The following CNTNAP2 variants were observed in gnomAD, a reference collection of about 807,000 sequenced individuals.
The protein encoded by CNTNAP2 is contactin associated protein 2.
In CNTNAP2, 98 loss-of-function variants were observed where a neutral mutation model predicts 155.2. The observed-to-expected ratio is 0.63, with a 90% CI of 0.54 to 0.75. CNTNAP2 has a LOEUF of 0.75. Ranked by LOEUF, CNTNAP2 falls within the 30% of genes least tolerant of loss-of-function variation. The pLI is 0.00. For missense variants in CNTNAP2, 1,727 were observed against 1,688.1 expected, an observed-to-expected ratio of 1.02 and a Z score of -0.40; for synonymous variants, 651 against 631.2, an observed-to-expected ratio of 1.03 and a Z score of -0.47.
intron 9 of CNTNAP2, among the ~76,000 whole-genome samples, chr7:147,377,239 A>AT (rs946258434): frequency 8.7e-5 from 13 of 149,020 alleles, no homozygotes; most frequent in South Asian, 2.1e-4. Flanking sequence ...GATTATCCTT[A>AT]TTTTTTTTCA....
chr7:148,157,269 C>T (rs1183754538), intron 17 of CNTNAP2, among the ~76,000 whole-genome samples: 1 of 152,054 alleles, frequency 6.6e-6, no homozygotes, highest in African/African-American at 2.4e-5. Context: ...TGTGTCCTCC[C>T]CCTAGAACGT....
chr7:147,938,796 A>G (rs1800663247), intron 14 of CNTNAP2, among the ~76,000 whole-genome samples: 1 of 152,064 alleles, frequency 6.6e-6, no homozygotes, highest in Non-Finnish European at 1.5e-5. Context: ...ACCTGAGGCT[A>G]TTGTATTTTT....
intron 9 of CNTNAP2, among the ~76,000 whole-genome samples, chr7:147,342,678 G>A (rs1795785153): frequency 6.6e-6 from 1 of 152,058 alleles, no homozygotes; most frequent in East Asian, 1.9e-4. Flanking sequence ...TAACCCAGGT[G>A]GCATAATAAA....
intron 2 of CNTNAP2, among the ~76,000 whole-genome samples, chr7:146,793,664 G>C (rs1019804301): frequency 2.0e-5 from 3 of 152,240 alleles, no homozygotes; most frequent in African/African-American, 7.2e-5. Flanking sequence ...GCAAAACCCA[G>C]GGTTTGGGGG....
rs976066274 is a variant in CNTNAP2 at position 146,665,073 on chromosome 7, C to T, written c.98-109198C>T. Among the ~76,000 whole-genome samples the T allele has an allele frequency of 3.9e-5, 6 of 152,154 alleles. No homozygotes were observed. The South Asian group carries it at 8.3e-4, about 21-fold the overall frequency. On this transcript the variant is annotated intron_variant, in intron 1 of 23. Transcript: ENST00000361727. ...AAGCGCTTCTCGTGCCTTAGCCTTC[C>T]GAGTAGCTGGGATTACAGGCACCCA...
intron 17 of CNTNAP2, among the ~76,000 whole-genome samples, chr7:148,162,453 GT>G (rs1471685089): frequency 6.6e-6 from 1 of 152,196 alleles, no homozygotes; most frequent in Non-Finnish European, 1.5e-5. Context: ...TCTGAAATCA[GT>G]GCTGTCAGAC....
chr7:147,627,706 AAAAAAAAAG>A (rs1795010254), intron 12 of CNTNAP2, among the ~76,000 whole-genome samples: 5 of 150,720 alleles, frequency 3.3e-5, no homozygotes, highest in African/African-American at 1.2e-4. Flanking sequence ...AAAAAAAAAA[AAAAAAAAAG>A]ATATTAAAAC....
chr7:147,310,534 G>A (rs1389138216), intron 9 of CNTNAP2, among the ~76,000 whole-genome samples: 3 of 152,104 alleles, frequency 2.0e-5, no homozygotes, highest in South Asian at 4.1e-4. Context: ...ATGCTCTTAA[G>A]TAGAGAAACT....
intron 1 of CNTNAP2, among the ~76,000 whole-genome samples, chr7:146,128,908 G>A (rs989770983): frequency 2.6e-5 from 4 of 151,950 alleles, no homozygotes; most frequent in Non-Finnish European, 5.9e-5. Flanking sequence ...TTACATATCT[G>A]TATGAGTCAA....
intron 16 of CNTNAP2, among the ~76,000 whole-genome samples, chr7:148,137,659 C>G (rs1170432248): frequency 7.7e-6 from 1 of 129,936 alleles, no homozygotes; most frequent in Non-Finnish European, 1.6e-5. Flanking sequence ...AAAAGTCTAT[C>G]TCAGAAAAAA....
chr7:146,242,688 T>C (rs2116929701), intron 1 of CNTNAP2, among the ~76,000 whole-genome samples: 1 of 152,342 alleles, frequency 6.6e-6, no homozygotes, highest in East Asian at 1.9e-4. Flanking sequence ...TTGATTAACT[T>C]TGATAATGAC....
chr7:147,589,307 C>T (rs1172731573), intron 12 of CNTNAP2, among the ~76,000 whole-genome samples: 4 of 152,098 alleles, frequency 2.6e-5, no homozygotes, highest in Admixed American at 2.0e-4. Flanking sequence ...GCACAAAGTT[C>T]GACTGATTAT....
chr7:147,007,730 CT>C (rs1464930976), intron 3 of CNTNAP2, among the ~76,000 whole-genome samples: 1 of 151,830 alleles, frequency 6.6e-6, no homozygotes, highest in African/African-American at 2.4e-5. Context: ...CTTAAAATAT[CT>C]GAGCATATTT....
intron 13 of CNTNAP2, among the ~76,000 whole-genome samples, chr7:147,667,567 A>G (rs1795716142): frequency 6.6e-6 from 1 of 152,202 alleles, no homozygotes; most frequent in Non-Finnish European, 1.5e-5. Context: ...CTGAATTACT[A>G]TGCCAGCAAA....
At chr7:146,297,984 C>T (rs1011558711) in intron 1 of CNTNAP2, among the ~76,000 whole-genome samples, 14 of 152,110 alleles carry the variant, frequency 9.2e-5, no homozygotes, top group Admixed American at 2.6e-4. Flanking sequence ...TGGTAAGTTT[C>T]TTGACACTTA....
intron 1 of CNTNAP2, among the ~76,000 whole-genome samples, chr7:146,286,492 C>T (rs748129992): frequency 1.3e-5 from 2 of 152,056 alleles, no homozygotes; most frequent in African/African-American, 2.4e-5. Context: ...GTCTTTAGAG[C>T]AATTTACCAA....
In CNTNAP2 at chr7:146,841,375, TG is replaced by T. The variant is rs553184633; in HGVS notation, c.402+1477del. Among the ~76,000 whole-genome samples the T allele has an allele frequency of 8.6e-5, 5 of 58,176 alleles. No individual in the cohort carries two copies. The Admixed American group carries it at 9.9e-4, about 12-fold the overall frequency. 38.2% of individuals were successfully genotyped at this position (58,176 alleles called of 152,430 possible). ...AAGACGGAGGAGTAAGGGGGTTGGG[TG>T]GGGGGAAGGGGAGGGAGAAATCAAG... On this transcript the variant is annotated intron_variant, in intron 3 of 23. Transcript: ENST00000361727.
chr7:146,320,677 G>A (rs1307224741), intron 1 of CNTNAP2, among the ~76,000 whole-genome samples: 1 of 152,022 alleles, frequency 6.6e-6, no homozygotes, highest in Non-Finnish European at 1.5e-5. Context: ...AACATAGCAG[G>A]GAGTAGTCAT....
chr7:146,627,426 T>G (rs1159997934), intron 1 of CNTNAP2, among the ~76,000 whole-genome samples: 1 of 152,134 alleles, frequency 6.6e-6, no homozygotes, highest in Non-Finnish European at 1.5e-5. Flanking sequence ...GAAAACAATT[T>G]TGTACTGTAT....
Sources: gnomAD v4.1 joint callset for allele counts (sites outside exome capture counted in the v4.1 genomes callset) on GRCh38, gnomAD v4.1.1 for gene constraint, MANE v1.5 for transcripts, NCBI Gene and HGNC (gene_info 2026-07-23, HGNC 2026-07-21) for gene names.